Variants in SLC1A7 observed in about 807,000 individuals in gnomAD.
The protein encoded by SLC1A7 is excitatory amino acid transporter 5.
In SLC1A7, 40 loss-of-function variants were observed where a neutral mutation model predicts 47.7. That is an observed-to-expected ratio of 0.84 (90% CI 0.65 to 1.09). SLC1A7 has a LOEUF of 1.09. Ranked by LOEUF, SLC1A7 falls within the 50% of genes least tolerant of loss-of-function variation. The probability of loss-of-function intolerance (pLI) is 0.00; values close to 1 mark genes in which losing one functional copy is unlikely to be tolerated. For synonymous variants in SLC1A7, 323 were observed against 325.6 expected, an observed-to-expected ratio of 0.99 and a Z score of 0.09; for missense variants, 746 against 769.5, an observed-to-expected ratio of 0.97 and a Z score of 0.36.
chr1:53,103,182 A>C, intron 5 of SLC1A7, 164 bp downstream of exon 5: 1 of 560,454 alleles, frequency 1.8e-6, no homozygotes. Context: ...TGGGGTGGGG[A>C]GGCGAAGGAT....
chr1:53,141,874 C>T (rs960295088), intron 1 of SLC1A7, among the ~76,000 whole-genome samples: 4 of 152,212 alleles, frequency 2.6e-5, no homozygotes, highest in Non-Finnish European at 5.9e-5. Flanking sequence ...GACCTATGGG[C>T]CTGCTGGCCT....
At chr1:53,115,159 C>T (rs1644744864) in intron 2 of SLC1A7, 186 bp from the exon 3 acceptor site, 1 of 612,920 alleles carries the variant, frequency 1.6e-6, no homozygotes, top group South Asian at 1.9e-5. Flanking sequence ...TCCCCCACGC[C>T]CCGGGGCGCA....
At chr1:53,122,898 C>T (rs1210316014) in intron 2 of SLC1A7, among the ~76,000 whole-genome samples, 1 of 152,182 alleles carries the variant, frequency 6.6e-6, no homozygotes, top group African/African-American at 2.4e-5. Flanking sequence ...CTCTTGGCCT[C>T]CACCTTGATT....
intron 2 of SLC1A7, among the ~76,000 whole-genome samples, chr1:53,132,010 T>C (rs753315920): frequency 2.6e-5 from 4 of 152,114 alleles, no homozygotes; most frequent in Non-Finnish European, 5.9e-5. Context: ...GGGAAGCATG[T>C]TCCAGAGGAA....
At chr1:53,138,787 T>C (rs1645026800) in intron 1 of SLC1A7, among the ~76,000 whole-genome samples, 1 of 152,188 alleles carries the variant, frequency 6.6e-6, no homozygotes, top group Non-Finnish European at 1.5e-5. Context: ...CTTCGAGTAT[T>C]TATCCTTTCT....
Position 53,093,489 on chromosome 1 carries a change from C to A in SLC1A7, c.769G>T (p.Val257Phe), listed in dbSNP as rs764584199. Residue 257 changes from valine (V) to phenylalanine (F), a missense_variant, in exon 6 of 11, where the codon GTC becomes TTC. Coordinates refer to ENST00000371494, the MANE Select transcript of SLC1A7 (RefSeq NM_006671.6). ...VSFCQCLNESVMKIVAVAVWY... is the reference protein window; with the variant it reads ...VSFCQCLNESFMKIVAVAVWY... The stretch of plus-strand genomic sequence containing the variant: ...ACAGCCACCGCCACGATCTTCATGA[C>A]CGACTCATTGAGGCACTGGCAGAAG... The A allele has an allele frequency of 1.2e-6, 2 of 1,611,314 alleles. No individual in the cohort carries two copies. Among genetic ancestry groups the A allele is most frequent in the Admixed American group, 1.7e-5 (1 of 59,952 alleles).
chr1:53,106,124 C>T (rs1455623534), intron 3 of SLC1A7, among the ~76,000 whole-genome samples: 2 of 152,038 alleles, frequency 1.3e-5, no homozygotes, highest in African/African-American at 2.4e-5. Context: ...TGCGGCCCTT[C>T]TGTGTGTAGG....
chr1:53,142,286 G>C, intron 1 of SLC1A7, 29 bp downstream of exon 1: 5 of 1,548,732 alleles, frequency 3.2e-6, no homozygotes, highest in Non-Finnish European at 4.4e-6. Flanking sequence ...CTCCTGGACA[G>C]GGGTCCCGAG....
At chr1:53,136,606 T>TATATAATATATAAAC (rs1644999180) in intron 1 of SLC1A7, among the ~76,000 whole-genome samples, 3 of 120,408 alleles carry the variant, frequency 2.5e-5, no homozygotes, top group East Asian at 2.2e-4. Context: ...TATATAAACA[T>TATATAATATATAAAC]ATATAATATA....
At position 53,090,987 on chromosome 1, in the gene SLC1A7, T is replaced by C. The variant is rs540435994; in HGVS notation, c.1032-181A>G. The C allele has an allele frequency of 8.1e-5, 119 of 1,477,902 alleles. No homozygotes were observed. In the African/African-American group the frequency reaches 1.2e-3, roughly 15 times the overall value. The allele number at this position is 1,477,902 out of a possible 1,614,324, so 91.5% of individuals were successfully genotyped here. ...CAGTGCTCTCACTTGGTTCTTCCTATGAGGGAGGTGTTTGGGTGCATTTTA... is the reference window on the plus strand; with the variant it reads ...CAGTGCTCTCACTTGGTTCTTCCTACGAGGGAGGTGTTTGGGTGCATTTTA... On this transcript the variant is annotated intron_variant, in intron 7 of 10. Transcript: ENST00000371494.
chr1:53,129,771 C>T (rs1644922567), intron 2 of SLC1A7, among the ~76,000 whole-genome samples: 1 of 141,140 alleles, frequency 7.1e-6, no homozygotes, highest in Non-Finnish European at 1.6e-5. Context: ...ACCTCACCAC[C>T]TCCCTTTGCT....
At position 53,142,358 on chromosome 1, in the gene SLC1A7, C is replaced by A; in HGVS notation, c.92G>T (p.Cys31Phe). 6.3e-7 allele frequency: 1 copy of A among 1,586,550 alleles called. No individual in the cohort carries two copies. Among genetic ancestry groups the A allele is most frequent in the South Asian group, 1.1e-5 (1 of 87,008 alleles). Residue 31 changes from cysteine to phenylalanine, a missense_variant, in exon 1 of 11, where the codon TGC becomes TTC. Cys to Phe is a radical substitution (Grantham distance 205). Coordinates refer to ENST00000371494, the MANE Select transcript of SLC1A7 (RefSeq NM_006671.6). ...ILSVLSVIVGCLLGFFLRTRR... is the reference protein window; with the variant it reads ...ILSVLSVIVGFLLGFFLRTRR... ...GGTCCTCAAGAAGAAGCCGAGGAGG[C>A]AGCCCACGATGACAGACAGCACAGA...
chr1:53,092,597 CACGGATGAAGACGATGGGA>C lies in SLC1A7; in HGVS notation c.969_987del (p.Asn323LysfsTer132). ...GCGATGAGCAGAGCCTGCAGGATGCCACGGATGAAGACGATGGGATTCTTCTTGGTGATGAAGAAGTAGA... is the reference window on the plus strand; with the variant it reads ...GCGATGAGCAGAGCCTGCAGGATGCCTTCTTCTTGGTGATGAAGAAGTAGA... On this transcript the variant is annotated frameshift_variant, in exon 7 of 11. Coordinates refer to ENST00000371494, the MANE Select transcript of SLC1A7 (RefSeq NM_006671.6). LOFTEE classifies it high-confidence loss of function. The C allele has an allele frequency of 6.2e-7, 1 of 1,614,116 alleles. No individual in the cohort carries two copies. The highest frequency in any genetic ancestry group is 1.7e-5 in the Admixed American group (1 of 60,014).
intron 5 of SLC1A7, among the ~76,000 whole-genome samples, chr1:53,100,763 C>T (rs1257733723): frequency 6.8e-6 from 1 of 146,980 alleles, no homozygotes; most frequent in African/African-American, 2.6e-5. Flanking sequence ...CACTCACACA[C>T]TGCCTTGGTA....
At chr1:53,104,533 A>G (rs923990594) in intron 4 of SLC1A7, among the ~76,000 whole-genome samples, 2 of 152,252 alleles carry the variant, frequency 1.3e-5, no homozygotes, top group Non-Finnish European at 2.9e-5. Context: ...AGGGCATTCC[A>G]GAGAGTTACA....
chr1:53,106,648 C>T (rs1644645839), intron 3 of SLC1A7, among the ~76,000 whole-genome samples: 1 of 151,406 alleles, frequency 6.6e-6, no homozygotes, highest in Admixed American at 6.6e-5. Flanking sequence ...ACACAGCAGT[C>T]GATGGAAAAG....
chr1:53,106,945 A>G (rs567258168), intron 3 of SLC1A7, among the ~76,000 whole-genome samples: 1 of 152,268 alleles, frequency 6.6e-6, no homozygotes, highest in Admixed American at 6.5e-5. Flanking sequence ...ACCTGAGGTC[A>G]GGAGTTTGAG....
chr1:53,089,821 A>G lies in SLC1A7; in HGVS notation c.1340T>C (p.Ile447Thr). The change falls in exon 9 of 11, where the codon ATC becomes ACC. Residue 447 changes from isoleucine (I) to threonine (T), a missense_variant. By Grantham distance (89) the Ile-to-Thr change is moderately conservative (BLOSUM62 -1). Transcript: ENST00000371494. ...TCACAGAGCCCAGTCAACGGCAATG[A>G]TGAGGGTGATGTCATCGGTGGGCAG... ...VGLPTDDITLIIAVDWALDRF... is the reference protein window; with the variant it reads ...VGLPTDDITLTIAVDWALDRF... 6.2e-7 allele frequency: 1 copy of G among 1,613,974 alleles called. No homozygotes were observed. The highest frequency in any genetic ancestry group is 8.5e-7 in the Non-Finnish European group (1 of 1,180,002).
At chr1:53,092,918 G>T in intron 6 of SLC1A7, 131 bp from the exon 7 acceptor site, 1 of 631,764 alleles carries the variant, frequency 1.6e-6, no homozygotes, top group Non-Finnish European at 2.8e-6. Context: ...AGACTGCCAA[G>T]GTGCCCGGCC....
Sources: gnomAD v4.1 joint callset for allele counts (sites outside exome capture counted in the v4.1 genomes callset) on GRCh38, gnomAD v4.1.1 for gene constraint, MANE v1.5 for transcripts, NCBI Gene and HGNC (gene_info 2026-07-23, HGNC 2026-07-21) for gene names.